The following GOPC variants were observed in gnomAD, a reference collection of about 807,000 sequenced individuals.
GOPC encodes the protein Golgi-associated PDZ and coiled-coil motif-containing protein.
A neutral mutation model predicts 51.2 loss-of-function variants in GOPC; 32 were observed. That is an observed-to-expected ratio of 0.63 (90% confidence interval 0.47 to 0.84). The LOEUF is 0.84. Among genes scored for constraint, GOPC ranks in the 40% least tolerant of loss-of-function variants. GOPC has a pLI of 0.00. For synonymous variants in GOPC, 190 were observed against 205.1 expected (o/e 0.93, Z 0.63); for missense variants, 441 against 555.5 (o/e 0.79, Z 2.07).
intron 4 of GOPC, among the ~76,000 whole-genome samples, chr6:117,573,899 T>A (rs1423082415): frequency 6.6e-6 from 1 of 151,794 alleles, no homozygotes; most frequent in Non-Finnish European, 1.5e-5. Flanking sequence ...CAAATAAATC[T>A]AAAAAAAAAT....
chr6:117,570,769 C>A, intron 6 of GOPC, 91 bp downstream of exon 6: 1 of 474,118 alleles, frequency 2.1e-6, no homozygotes. Flanking sequence ...AAAATATATC[C>A]AGAATATTCT....
At position 117,570,797 on chromosome 6, in the gene GOPC, A is replaced by G. The variant is rs900886037; in HGVS notation, c.912+63T>C. ...AATATTCTGTTCCCCAGTGATGTCC[A>G]ACAAAGGAGCATGATTATACTAGAT... On this transcript the variant is annotated intron_variant, in intron 6 of 8. Coordinates refer to ENST00000368498, the MANE Select transcript of GOPC (RefSeq NM_020399.4). The G allele has an allele frequency of 7.2e-6, 5 of 692,732 alleles. No individual in the cohort carries two copies. The Admixed American group carries it at 8.0e-5, about 11-fold the overall frequency. 42.9% of individuals were successfully genotyped at this position (692,732 alleles called of 1,614,324 possible).
chr6:117,580,289 C>A (rs1779939217), intron 1 of GOPC, among the ~76,000 whole-genome samples: 1 of 152,094 alleles, frequency 6.6e-6, no homozygotes, highest in African/African-American at 2.4e-5. Context: ...GAAATAAATT[C>A]TAATACTAGC....
chr6:117,567,720 T>G (rs1034960995), intron 7 of GOPC, among the ~76,000 whole-genome samples: 5 of 152,044 alleles, frequency 3.3e-5, no homozygotes, highest in Non-Finnish European at 7.4e-5. Flanking sequence ...TAGTCTCTTT[T>G]ACATGAACGA....
intron 5 of GOPC, 27 bp downstream of exon 5, chr6:117,573,440 T>C: frequency 6.3e-7 from 1 of 1,599,078 alleles, no homozygotes; most frequent in East Asian, 2.3e-5. Flanking sequence ...AGAGGCTGGG[T>C]GGGAAGCAGC....
chr6:117,563,229 A>C lies in GOPC; in HGVS notation c.*25T>G. On this transcript the variant is annotated 3_prime_UTR_variant, in exon 9 of 9. Coordinates refer to ENST00000368498, the MANE Select transcript of GOPC (RefSeq NM_020399.4). Reference sequence around the variant, plus strand: ...CCAAATTCAGAATAGTCTGATTAACAATCTTGTCTGGAGATATGGTCAATT... The same window carrying C: ...CCAAATTCAGAATAGTCTGATTAACCATCTTGTCTGGAGATATGGTCAATT... The C allele has an allele frequency of 6.2e-7, 1 of 1,604,780 alleles. No individual in the cohort carries two copies. Among genetic ancestry groups the C allele is most frequent in the Non-Finnish European group, 8.5e-7 (1 of 1,172,848 alleles).
At chr6:117,593,508 C>T (rs1272307415) in intron 1 of GOPC, among the ~76,000 whole-genome samples, 1 of 152,216 alleles carries the variant, frequency 6.6e-6, no homozygotes, top group African/African-American at 2.4e-5. Context: ...GCCACACTCA[C>T]TCTTTCTGTC....
chr6:117,568,076 G>A (rs1490678600), intron 7 of GOPC, among the ~76,000 whole-genome samples: 1 of 151,104 alleles, frequency 6.6e-6, no homozygotes, highest in East Asian at 1.9e-4. Flanking sequence ...GCAGGCATCT[G>A]TAGTCTTAGC....
chr6:117,583,932 T>C (rs1256674264), intron 1 of GOPC, among the ~76,000 whole-genome samples: 2 of 152,228 alleles, frequency 1.3e-5, no homozygotes, highest in Non-Finnish European at 2.9e-5. Context: ...ATTTTGAGAA[T>C]TGAAAACAAA....
chr6:117,579,214 T>C, intron 1 of GOPC, 150 bp from the exon 2 acceptor site: 2 of 622,754 alleles, frequency 3.2e-6, no homozygotes, highest in Non-Finnish European at 5.1e-6. Context: ...AAGACATCCA[T>C]CTAAACTGAC....
intron 1 of GOPC, among the ~76,000 whole-genome samples, chr6:117,597,693 C>G (rs907122450): frequency 6.6e-6 from 1 of 152,076 alleles, no homozygotes; most frequent in Non-Finnish European, 1.5e-5. Context: ...AAAAAGCAGT[C>G]ACATGGATAT....
chr6:117,588,615 A>G (rs542270967), intron 1 of GOPC, among the ~76,000 whole-genome samples: 184 of 152,224 alleles, frequency 1.2e-3, no homozygotes, highest in African/African-American at 4.2e-3. Flanking sequence ...AAACAATGCT[A>G]TTCTTCTAAA....
At chr6:117,569,481 T>A (rs1779762882) in intron 7 of GOPC, 91 bp downstream of exon 7, 1 of 1,500,472 alleles carries the variant, frequency 6.7e-7, no homozygotes, top group African/African-American at 1.5e-5. Flanking sequence ...AACACTTTAC[T>A]ACTTTAGAAA....
In GOPC at chr6:117,561,829, T is replaced by C. The variant is rs993017220; in HGVS notation, c.*1425A>G. ...ACAGTTAAAACATTAAATTTATAAA[T>C]AGCAAAACCACAAAATAAAGTATAT... On this transcript the variant is annotated 3_prime_UTR_variant, in exon 9 of 9. Transcript: ENST00000368498. 2.8e-4 allele frequency: 58 copies of C among 206,300 alleles called. 1 individual carries two copies. The highest frequency in any genetic ancestry group is 1.3e-3 in the African/African-American group (57 of 43,810). The allele number at this position is 206,300 out of a possible 1,614,324, so 12.8% of individuals were successfully genotyped here. A position where few individuals can be genotyped will look rare whatever the true frequency, so the allele number is the denominator to read the frequency against.
chr6:117,585,166 C>A (rs1201691759), intron 1 of GOPC, among the ~76,000 whole-genome samples: 1 of 152,170 alleles, frequency 6.6e-6, no homozygotes. Flanking sequence ...AGGTCAGGCA[C>A]CAAAATCAAA....
intron 1 of GOPC, among the ~76,000 whole-genome samples, chr6:117,580,433 A>T (rs537162114): frequency 3.0e-3 from 463 of 152,198 alleles, no homozygotes; most frequent in Middle Eastern, 0.014. Context: ...GGAAAATGTT[A>T]TTATCGAGGA....
chr6:117,571,638 T>G (rs1179479545), intron 5 of GOPC, among the ~76,000 whole-genome samples: 1 of 152,134 alleles, frequency 6.6e-6, no homozygotes, highest in Non-Finnish European at 1.5e-5. Flanking sequence ...TTCATCCTCA[T>G]CATATCTACT....
At chr6:117,585,268 A>T (rs535651215) in intron 1 of GOPC, among the ~76,000 whole-genome samples, 1 of 152,226 alleles carries the variant, frequency 6.6e-6, no homozygotes, top group African/African-American at 2.4e-5. Flanking sequence ...CAACAACTAC[A>T]CAATTTTCAT....
rs1354097903 is a variant in GOPC, at chr6:117,561,197, A to G, written c.*2057T>C. On this transcript the variant is annotated 3_prime_UTR_variant, in exon 9 of 9. Coordinates refer to ENST00000368498, the MANE Select transcript of GOPC (RefSeq NM_020399.4). ...ATTTATCAGTCCTTAAAAGGAATTTATATCATGACAATCTCACACAATTCT... is the reference window on the plus strand; with the variant it reads ...ATTTATCAGTCCTTAAAAGGAATTTGTATCATGACAATCTCACACAATTCT... 8.1e-5 allele frequency: 18 copies of G among 223,056 alleles called. No homozygotes were observed. Among genetic ancestry groups the G allele is most frequent in the Non-Finnish European group, 1.4e-4 (16 of 111,834 alleles). The allele number at this position is 223,056 out of a possible 1,614,324, so 13.8% of individuals were successfully genotyped here.
Sources: gnomAD v4.1 joint callset for allele counts (sites outside exome capture counted in the v4.1 genomes callset) on GRCh38, gnomAD v4.1.1 for gene constraint, MANE v1.5 for transcripts, NCBI Gene and HGNC (gene_info 2026-07-23, HGNC 2026-07-21) for gene names.